TTC34: variants seen among roughly 807,000 people sequenced by gnomAD.
TTC34 encodes the protein tetratricopeptide repeat protein 34.
TTC34 carries 44 observed loss-of-function variants against 40.7 expected under a neutral mutation model. That is an observed-to-expected ratio of 1.08 (90% CI 0.85 to 1.39). TTC34 has a LOEUF of 1.39. Among genes scored for constraint, TTC34 ranks in the 40% most tolerant of loss-of-function variants. The pLI, the probability that TTC34 is intolerant of heterozygous loss-of-function variation, is 0.00. For synonymous variants in TTC34, 422 were observed against 398.6 expected, an observed-to-expected ratio of 1.06 and a Z score of -0.70; for missense variants, 884 against 838.0, an observed-to-expected ratio of 1.05 and a Z score of -0.68.
At chr1:2,691,609 A>G (rs948711527) in intron 6 of TTC34, among the ~76,000 whole-genome samples, 17 of 116,048 alleles carry the variant, frequency 1.5e-4, no homozygotes, top group South Asian at 7.9e-4. Context: ...GACAGCCTGG[A>G]ACAGCACCCT....
intron 6 of TTC34, among the ~76,000 whole-genome samples, chr1:2,757,835 C>A (rs1641557251): frequency 6.7e-6 from 1 of 148,592 alleles, no homozygotes; most frequent in Admixed American, 6.7e-5. Context: ...CCCACACCCC[C>A]AGGTGCGCAT....
At chr1:2,800,401 G>A (rs944856399) in exon 2 of TTC34, 33 of 398,484 alleles carry the variant, frequency 8.3e-5, no homozygotes, top group Admixed American at 2.2e-4. Context: ...GCGAGGGCGC[G>A]GGTCAGCCGC....
chr1:2,686,722 C>A (rs200048634), intron 6 of TTC34, among the ~76,000 whole-genome samples: 4 of 142,160 alleles, frequency 2.8e-5, no homozygotes, highest in Middle Eastern at 3.8e-3. Context: ...AGCACACACA[C>A]CCCCAGGCGA....
intron 6 of TTC34, among the ~76,000 whole-genome samples, chr1:2,750,723 ACACCCCCAGGTGAG>A (rs1641291517): frequency 6.7e-6 from 1 of 148,716 alleles, no homozygotes; most frequent in Non-Finnish European, 1.5e-5. Context: ...AGCAGCACCC[ACACCCCCAGGTGAG>A]CATCTGATGG....
At chr1:2,748,709 C>T (rs1215671708) in intron 6 of TTC34, among the ~76,000 whole-genome samples, 4 of 110,228 alleles carry the variant, frequency 3.6e-5, no homozygotes, top group Non-Finnish European at 7.1e-5. Flanking sequence ...CAGCCTGGAA[C>T]AGAACCCACA....
At chr1:2,752,458 G>A (rs1641354264) in intron 6 of TTC34, among the ~76,000 whole-genome samples, 2 of 148,708 alleles carry the variant, frequency 1.3e-5, no homozygotes, top group South Asian at 2.2e-4. Context: ...GCACCCCCAG[G>A]TGCGCACGTG....
intron 6 of TTC34, among the ~76,000 whole-genome samples, chr1:2,778,285 T>C (rs573939348): frequency 6.6e-6 from 1 of 152,342 alleles, no homozygotes; most frequent in East Asian, 1.9e-4. Flanking sequence ...CAGCGAAGCA[T>C]CAGGGCAGAC....
intron 2 of TTC34, among the ~76,000 whole-genome samples, chr1:2,791,700 T>C (rs970359039): frequency 2.6e-5 from 4 of 152,102 alleles, no homozygotes; most frequent in Admixed American, 2.6e-4. Flanking sequence ...ACATTACCCC[T>C]GATTTTTGCA....
intron 6 of TTC34, among the ~76,000 whole-genome samples, chr1:2,750,127 C>G (rs1324184483): frequency 0.21 from 8,699 of 40,680 alleles, 9 homozygotes; most frequent in Middle Eastern, 0.29. Context: ...CCCACACACC[C>G]AGGTGAGCAT....
At chr1:2,671,489 AGCCT>A (rs1639699482) in intron 6 of TTC34, among the ~76,000 whole-genome samples, 1 of 74,582 alleles carries the variant, frequency 1.3e-5, no homozygotes. Flanking sequence ...AGCATCTGAC[AGCCT>A]GGAGCTGCAC....
At chr1:2,768,510 T>C (rs1641872027) in intron 6 of TTC34, among the ~76,000 whole-genome samples, 1 of 149,740 alleles carries the variant, frequency 6.7e-6, no homozygotes, top group Non-Finnish European at 1.5e-5. Context: ...CTCAGGTGAG[T>C]GTCTGACAGC....
intron 6 of TTC34, among the ~76,000 whole-genome samples, chr1:2,655,077 T>G (rs1639294330): frequency 6.7e-6 from 1 of 149,986 alleles, no homozygotes; most frequent in Non-Finnish European, 1.5e-5. Flanking sequence ...CCTGACAGCC[T>G]GGAGCAGCAA....
intron 6 of TTC34, among the ~76,000 whole-genome samples, chr1:2,769,646 T>C (rs1389466634): frequency 8.3e-6 from 1 of 120,580 alleles, no homozygotes; most frequent in African/African-American, 3.4e-5. Context: ...GGTGAGCATC[T>C]GACAGCCTGG....
chr1:2,783,711 C>A, exon 6 of TTC34: 1 of 1,545,818 alleles, frequency 6.5e-7, no homozygotes, highest in Non-Finnish European at 8.7e-7. Flanking sequence ...ACATGGCCGT[C>A]TTCTTCTGGC....
rs1569684844 is a variant in TTC34, at chr1:2,749,079, C to G, written c.2226+34530G>C. Among the ~76,000 whole-genome samples the G allele has an allele frequency of 8.8e-5, 12 of 136,726 alleles. No individual in the cohort carries two copies. In the East Asian group the frequency reaches 2.3e-3, roughly 26 times the overall value. 89.7% of individuals were successfully genotyped at this position (136,726 alleles called of 152,430 possible). A position where few individuals can be genotyped will look rare whatever the true frequency, so the allele number is the denominator to read the frequency against. On this transcript the variant is annotated intron_variant, in intron 6 of 8. Transcript: ENST00000401095. ...ATCCGACAGCCTGGAGCAGCACCCA[C>G]AACCCCAGGCGAGCATCCGACAGCC...
chr1:2,698,504 ACAGC>A (rs1640971946), intron 6 of TTC34, among the ~76,000 whole-genome samples: 5 of 141,052 alleles, frequency 3.5e-5, no homozygotes, highest in East Asian at 2.0e-4. Context: ...CGAGCATCTG[ACAGC>A]CTGAAGCAGC....
intron 6 of TTC34, among the ~76,000 whole-genome samples, chr1:2,752,863 G>C (rs1304131234): frequency 3.3e-4 from 35 of 105,384 alleles, no homozygotes; most frequent in East Asian, 1.5e-3. Flanking sequence ...ACACCCAGGC[G>C]AGCATCTGAT....
At chr1:2,798,583 TC>T (rs1643736410) in intron 2 of TTC34, among the ~76,000 whole-genome samples, 2 of 3,188 alleles carry the variant, frequency 6.3e-4, no homozygotes, top group Non-Finnish European at 1.1e-3. Flanking sequence ...GCCCCTCAGC[TC>T]CCCAGCCCCC....
chr1:2,687,087 C>T (rs113219673), intron 6 of TTC34, among the ~76,000 whole-genome samples: 2 of 145,522 alleles, frequency 1.4e-5, no homozygotes, highest in African/African-American at 5.6e-5. Context: ...CCCACACCCC[C>T]AGGTGAACAT....
Sources: allele counts gnomAD v4.1 joint callset (sites outside exome capture counted in the v4.1 genomes callset), GRCh38; gene constraint gnomAD v4.1.1; transcripts MANE v1.5; gene names NCBI Gene and HGNC (gene_info 2026-07-23, HGNC 2026-07-21).